Variants in RIC1 observed in about 807,000 individuals in gnomAD.
The protein encoded by RIC1 is guanine nucleotide exchange factor subunit RIC1.
A neutral mutation model predicts 169.0 loss-of-function variants in RIC1; 88 were observed. The observed-to-expected ratio is 0.52, with a 90% CI of 0.44 to 0.62. The LOEUF is 0.62. Among genes scored for constraint, RIC1 ranks in the 20% least tolerant of loss-of-function variants. The probability of loss-of-function intolerance (pLI) is 0.00; values close to 1 mark genes in which losing one functional copy is unlikely to be tolerated. For synonymous variants in RIC1, 790 were observed against 601.5 expected (o/e 1.31, Z -4.59); for missense variants, 1,877 against 1,725.5 (o/e 1.09, Z -1.56).
At chr9:5,767,982 T>C (rs1826911575) in intron 21 of RIC1, among the ~76,000 whole-genome samples, 1 of 152,228 alleles carries the variant, frequency 6.6e-6, no homozygotes, top group African/African-American at 2.4e-5. Flanking sequence ...CTATGAGGGT[T>C]ATCCACATTG....
chr9:5,752,674 G>A (rs879776568), intron 12 of RIC1, among the ~76,000 whole-genome samples: 13 of 152,144 alleles, frequency 8.5e-5, no homozygotes, highest in African/African-American at 3.1e-4. Context: ...GACCTCAGGT[G>A]ATCCACCTGC....
chr9:5,773,498 A>G (rs544348283), intron 25 of RIC1, among the ~76,000 whole-genome samples: 1 of 152,332 alleles, frequency 6.6e-6, no homozygotes, highest in East Asian at 1.9e-4. Flanking sequence ...AATCCAAATT[A>G]GAGTTGTGGT....
intron 2 of RIC1, among the ~76,000 whole-genome samples, chr9:5,679,270 G>C (rs1189434313): frequency 6.6e-6 from 1 of 152,178 alleles, no homozygotes; most frequent in Admixed American, 6.5e-5. Flanking sequence ...AAGTCAGGTA[G>C]TGTGATGCCT....
At chr9:5,643,447 G>A (rs1056574581) in intron 1 of RIC1, among the ~76,000 whole-genome samples, 3 of 152,138 alleles carry the variant, frequency 2.0e-5, no homozygotes, top group Admixed American at 6.5e-5. Flanking sequence ...GGTTGAGGCT[G>A]CAGTGAGCCA....
At chr9:5,651,688 C>T (rs1005865125) in intron 1 of RIC1, among the ~76,000 whole-genome samples, 17 of 151,530 alleles carry the variant, frequency 1.1e-4, no homozygotes, top group Non-Finnish European at 1.6e-4. Context: ...CTCAGCCTCC[C>T]GAGTAGCTGA....
intron 3 of RIC1, among the ~76,000 whole-genome samples, chr9:5,697,869 A>C (rs1821998078): frequency 6.6e-6 from 1 of 152,242 alleles, no homozygotes; most frequent in African/African-American, 2.4e-5. Flanking sequence ...GTTTAAAGTT[A>C]ATGGCAATAT....
chr9:5,740,950 C>G, intron 8 of RIC1, among the ~76,000 whole-genome samples: 1 of 152,180 alleles, frequency 6.6e-6, no homozygotes, highest in East Asian at 1.9e-4. Context: ...CTTTGACCAA[C>G]TCATACCTTC....
chr9:5,769,620 G>C (rs1225538109), intron 22 of RIC1: 1 of 447,112 alleles, frequency 2.2e-6, no homozygotes, highest in South Asian at 2.9e-5. Flanking sequence ...CTCATTCCAG[G>C]GGAACAGTAA....
chr9:5,667,388 TCTAA>T (rs901931011), intron 2 of RIC1, among the ~76,000 whole-genome samples: 1 of 152,200 alleles, frequency 6.6e-6, no homozygotes, highest in African/African-American at 2.4e-5. Context: ...TTTATTTTGC[TCTAA>T]CTTTTATTAT....
At chr9:5,670,503 T>C (rs1820024738) in intron 2 of RIC1, among the ~76,000 whole-genome samples, 1 of 152,216 alleles carries the variant, frequency 6.6e-6, no homozygotes, top group Non-Finnish European at 1.5e-5. Flanking sequence ...AGAGTTGGTC[T>C]GCCATGACCT....
chr9:5,650,298 G>T (rs1270550366), intron 1 of RIC1, among the ~76,000 whole-genome samples: 2 of 152,080 alleles, frequency 1.3e-5, no homozygotes, highest in Non-Finnish European at 1.5e-5. Flanking sequence ...CTGACTCTCA[G>T]GCTTCCCTGT....
intron 6 of RIC1, among the ~76,000 whole-genome samples, chr9:5,724,583 C>T (rs1243441924): frequency 1.3e-5 from 2 of 152,190 alleles, no homozygotes; most frequent in African/African-American, 4.8e-5. Context: ...CTGGCCAGAA[C>T]TTCCAACACT....
rs34717277 is a variant in RIC1, at chr9:5,689,044, C to CTTTTT, written c.253-897_253-893dup. On this transcript the variant is annotated intron_variant, in intron 2 of 25. Transcript: ENST00000414202. ...AATAGCACTGTTTTTAATACAATTT[C>CTTTTT]TTTTTTTTTTTTTTTTTTTTTTGAG... Among the ~76,000 whole-genome samples, 215 of 99,026 alleles carry CTTTTT rather than the reference C, an allele frequency of 2.2e-3. 3 individuals are homozygous for CTTTTT. The highest frequency in any genetic ancestry group is 2.7e-3 in the African/African-American group (68 of 25,310). The allele number at this position is 99,026 out of a possible 152,430, so 65.0% of individuals were successfully genotyped here. A position where few individuals can be genotyped will look rare whatever the true frequency, so the allele number is the denominator to read the frequency against.
At chr9:5,742,248 A>G (rs1825125345) in intron 8 of RIC1, among the ~76,000 whole-genome samples, 1 of 152,124 alleles carries the variant, frequency 6.6e-6, no homozygotes. Context: ...TCTGAGCTTT[A>G]TCTCCTGTTC....
At chr9:5,776,659 G>T (rs867612269), downstream of RIC1, 25 of 151,904 alleles carry the variant, frequency 1.6e-4, no homozygotes, top group African/African-American at 5.8e-4. Flanking sequence ...AATTCAGACA[G>T]ATTTATTTAA....
Position 5,757,452 on chromosome 9 carries a change from G to A in RIC1, c.1992+1G>A, listed in dbSNP as rs1826075794. ...AATCACCTTGAAAATGCCACAGCAG[G>A]TACCACTCCATTATCAAAGGTCTTT... On this transcript the variant is annotated splice_donor_variant, in intron 17 of 25. Coordinates refer to ENST00000414202, the MANE Select transcript of RIC1 (RefSeq NM_020829.4). LOFTEE classifies it high-confidence loss of function. 1.2e-6 allele frequency: 2 copies of A among 1,613,712 alleles called. No homozygotes were observed. The highest frequency in any genetic ancestry group is 1.7e-6 in the Non-Finnish European group (2 of 1,179,852).
intron 11 of RIC1, 72 bp downstream of exon 11, chr9:5,746,155 T>A (rs1423770235): frequency 8.5e-7 from 1 of 1,182,930 alleles, no homozygotes; most frequent in Non-Finnish European, 1.2e-6. Flanking sequence ...TTATGACATA[T>A]GTATGGCGTA....
rs1827023487 is a variant in RIC1 at position 5,769,239 on chromosome 9, A to C, written c.3407A>C (p.Asn1136Thr). The C allele has an allele frequency of 6.2e-6, 10 of 1,614,146 alleles. No homozygotes were observed. In the East Asian group the frequency reaches 2.0e-4, roughly 32 times the overall value. The part of the protein sequence containing the change: ...PASSISSPFK[N>T]GKYRTVGEQL... ...TCTTCTATCAGTTCTCCTTTCAAAA[A>C]TGGAAAATACCGAACTGGTAATGTA... The change falls in exon 22 of 26, where the codon AAT (asparagine) becomes ACT (threonine). Residue 1136 changes from asparagine to threonine, a missense_variant. Transcript: ENST00000414202.
chr9:5,658,257 A>G (rs1819226920), intron 2 of RIC1, among the ~76,000 whole-genome samples: 1 of 152,138 alleles, frequency 6.6e-6, no homozygotes, highest in Admixed American at 6.6e-5. Flanking sequence ...TTTATTATTC[A>G]ATGGCACTAT....
Sources: allele counts gnomAD v4.1 joint callset (sites outside exome capture counted in the v4.1 genomes callset), GRCh38; gene constraint gnomAD v4.1.1; transcripts MANE v1.5; gene names NCBI Gene and HGNC (gene_info 2026-07-23, HGNC 2026-07-21).